The following RRM1 variants were observed in gnomAD, a reference collection of about 807,000 sequenced individuals.
RRM1 encodes the protein ribonucleoside-diphosphate reductase large subunit.
A neutral mutation model predicts 101.5 loss-of-function variants in RRM1; 19 were observed. The ratio of observed to expected loss-of-function variants is 0.19; its 90% CI spans 0.13 to 0.27. The LOEUF (loss-of-function observed/expected upper bound fraction) is 0.27. Among genes scored for constraint, RRM1 ranks in the 10% least tolerant of loss-of-function variants. The pLI is 1.00. For synonymous variants in RRM1, 298 were observed against 323.4 expected (o/e 0.92, Z 0.84); for missense variants, 500 against 962.9 (o/e 0.52, Z 6.36).
At chr11:4,124,381 A>G (rs2094586357) in intron 12 of RRM1, among the ~76,000 whole-genome samples, 1 of 152,236 alleles carries the variant, frequency 6.6e-6, no homozygotes, top group South Asian at 2.1e-4. Context: ...GACCTTAAAA[A>G]AAAAGACAAA....
chr11:4,098,357 C>T (rs1174443105), intron 1 of RRM1, among the ~76,000 whole-genome samples: 2 of 147,158 alleles, frequency 1.4e-5, no homozygotes, highest in Non-Finnish European at 3.0e-5. Context: ...TTTCTCCCTC[C>T]CTTCTTTCCT....
In RRM1 at chr11:4,106,069, C is replaced by A. The variant is rs1179100832; in HGVS notation, c.132C>A (p.Ile44=). The change falls in exon 3 of 19, where the codon ATC becomes ATA. Residue 44 remains isoleucine (I), a synonymous_variant. Transcript: ENST00000300738. ...VDPAQITMKV[I]QGLYSGVTTV... is the part of the protein sequence containing the mutation. The stretch of plus-strand genomic sequence containing the variant: ...AGGCTCAGATCACCATGAAAGTAAT[C>A]CAAGGCTTGTACAGTGGGGTCACCA... The A allele has an allele frequency of 6.8e-6, 11 of 1,612,268 alleles. No individual in the cohort carries two copies. The highest frequency in any genetic ancestry group is 4.0e-5 in the African/African-American group (3 of 74,760).
chr11:4,103,836 C>T (rs777738810), intron 2 of RRM1, among the ~76,000 whole-genome samples: 12 of 132,096 alleles, frequency 9.1e-5, no homozygotes, highest in Non-Finnish European at 1.4e-4. Flanking sequence ...GCTATGTTGG[C>T]CAGGCTCGTC....
At chr11:4,118,244 TC>T in intron 7 of RRM1, 75 bp from the exon 8 acceptor site, 1 of 1,341,544 alleles carries the variant, frequency 7.5e-7, no homozygotes, top group East Asian at 2.4e-5. Flanking sequence ...TGCCTTAGTG[TC>T]TTTGTGTTGA....
intron 9 of RRM1, among the ~76,000 whole-genome samples, chr11:4,120,553 C>T (rs1310429786): frequency 1.3e-5 from 2 of 152,046 alleles, no homozygotes; most frequent in South Asian, 2.1e-4. Context: ...TTTGTAGAGG[C>T]GGGGGTCTCA....
At chr11:4,104,838 A>G (rs1269106849) in intron 2 of RRM1, among the ~76,000 whole-genome samples, 1 of 152,196 alleles carries the variant, frequency 6.6e-6, no homozygotes, top group African/African-American at 2.4e-5. Context: ...GACCTAATTT[A>G]TACTTCTGTC....
At position 4,095,042 on chromosome 11, in the gene RRM1, GA is replaced by G. The variant is rs1565176336; in HGVS notation, c.19+12del. ...ATGTGATCAAGCGAGGTGAGGGGGG[GA>G]CGAGGTGGGCGAGAAGGAAGGTGAG... On this transcript the variant is annotated intron_variant, in intron 1 of 18. Coordinates refer to ENST00000300738, the MANE Select transcript of RRM1 (RefSeq NM_001033.5). 1 of 1,568,488 alleles carries G rather than the reference GA, an allele frequency of 6.4e-7. No homozygotes were observed. The highest frequency in any genetic ancestry group is 1.4e-5 in the African/African-American group (1 of 73,976).
chr11:4,110,539 G>A (rs970961296), intron 5 of RRM1, among the ~76,000 whole-genome samples: 3 of 152,104 alleles, frequency 2.0e-5, no homozygotes, highest in East Asian at 2.0e-4. Context: ...AAGCCGAGGC[G>A]GGCTGATCAC....
chr11:4,116,400 T>G (rs1051785153), intron 7 of RRM1: 1 of 152,266 alleles, frequency 6.6e-6, no homozygotes, highest in African/African-American at 2.4e-5. Flanking sequence ...GAGACCAGCC[T>G]GGCCAACATG....
intron 3 of RRM1, among the ~76,000 whole-genome samples, chr11:4,107,032 T>C (rs1200155659): frequency 1.3e-5 from 2 of 152,104 alleles, no homozygotes; most frequent in Admixed American, 6.6e-5. Flanking sequence ...TAGTTGGGAC[T>C]ACAGGCTCCC....
intron 12 of RRM1, among the ~76,000 whole-genome samples, chr11:4,124,704 C>CG (rs972825647): frequency 1.2e-4 from 18 of 151,870 alleles, no homozygotes; most frequent in Admixed American, 5.9e-4. Context: ...CCTTTTTTTT[C>CG]GGGGGGCGTC....
intron 7 of RRM1, among the ~76,000 whole-genome samples, chr11:4,118,005 G>T (rs2094576102): frequency 6.6e-6 from 1 of 152,154 alleles, no homozygotes; most frequent in Non-Finnish European, 1.5e-5. Flanking sequence ...ATATGCATGA[G>T]AAAATGTGAA....
chr11:4,105,667 G>C (rs1297950351), intron 2 of RRM1: 1 of 405,394 alleles, frequency 2.5e-6, no homozygotes, highest in African/African-American at 2.4e-5. Context: ...TGCAGCCTCA[G>C]CTTCCCGAGT....
chr11:4,102,874 A>G (rs539833421), intron 2 of RRM1, among the ~76,000 whole-genome samples: 1 of 152,312 alleles, frequency 6.6e-6, no homozygotes, highest in East Asian at 1.9e-4. Flanking sequence ...CTAGACTCTC[A>G]TCATCAGTTA....
intron 14 of RRM1, among the ~76,000 whole-genome samples, chr11:4,128,850 T>C (rs1029098943): frequency 5.3e-5 from 8 of 152,196 alleles, no homozygotes; most frequent in African/African-American, 1.9e-4. Flanking sequence ...GGTTTGTAGA[T>C]ATGACATGGG....
At chr11:4,125,024 C>T (rs1420143282) in intron 12 of RRM1, among the ~76,000 whole-genome samples, 1 of 151,588 alleles carries the variant, frequency 6.6e-6, no homozygotes, top group Non-Finnish European at 1.5e-5. Flanking sequence ...AAGCGATTCT[C>T]CTGCCTCAGC....
At chr11:4,127,607 T>C (rs1453113944) in intron 14 of RRM1, among the ~76,000 whole-genome samples, 4 of 152,214 alleles carry the variant, frequency 2.6e-5, no homozygotes, top group Admixed American at 2.6e-4. Context: ...CTAGTGCCTC[T>C]GGAGGGAGTG....
chr11:4,116,626 A>T (rs940107389), intron 7 of RRM1, among the ~76,000 whole-genome samples: 1 of 152,074 alleles, frequency 6.6e-6, no homozygotes, highest in African/African-American at 2.4e-5. Context: ...CAAAAAAACA[A>T]GTTTCAGACT....
chr11:4,115,511 A>G (rs1179195479), intron 7 of RRM1, among the ~76,000 whole-genome samples: 3 of 152,006 alleles, frequency 2.0e-5, no homozygotes, highest in Admixed American at 1.3e-4. Context: ...GCACTCCAAA[A>G]AAAAAAAAAA....
Sources: allele counts gnomAD v4.1 joint callset (sites outside exome capture counted in the v4.1 genomes callset), GRCh38; gene constraint gnomAD v4.1.1; transcripts MANE v1.5; gene names NCBI Gene and HGNC (gene_info 2026-07-23, HGNC 2026-07-21).